RASL12: variants seen among roughly 807,000 people sequenced by gnomAD.
RASL12 encodes the protein RAS like family 12, also known as ras-like protein family member 12.
RASL12 carries 16 observed loss-of-function variants against 22.9 expected under a neutral mutation model. The observed-to-expected ratio is 0.70, with a 90% CI of 0.47 to 1.06. The LOEUF is 1.06. Among genes scored for constraint, RASL12 ranks in the 50% least tolerant of loss-of-function variants. The probability of loss-of-function intolerance (pLI) is 0.00; values close to 1 mark genes in which losing one functional copy is unlikely to be tolerated. For synonymous variants in RASL12, 159 were observed against 152.2 expected (o/e 1.04, Z -0.33); for missense variants, 306 against 353.1 (o/e 0.87, Z 1.07).
intron 2 of RASL12, among the ~76,000 whole-genome samples, chr15:65,059,759 C>A (rs1398940303): frequency 2.0e-5 from 3 of 152,238 alleles, no homozygotes; most frequent in Admixed American, 2.0e-4. Flanking sequence ...AGGAGCAACA[C>A]TGCTAGCCCC....
chr15:65,066,324 C>A, intron 1 of RASL12, among the ~76,000 whole-genome samples: 1 of 151,976 alleles, frequency 6.6e-6, no homozygotes, highest in Non-Finnish European at 1.5e-5. Flanking sequence ...TTGAGACCAG[C>A]CTGGGCAATG....
Position 65,055,064 on chromosome 15 carries a change from C to T in RASL12, c.636G>A (p.Ala212=), listed in dbSNP as rs555462234. ...RALPHQAPLT[A]RHGLASCTFN... ...AGGTGCAGCTGGCCAGCCCATGCCG[C>T]GCGGTGAGCGGGGCCTGGTGGGGCA... The change falls in exon 5 of 5, where the codon GCG becomes GCA. Residue 212 remains alanine, a synonymous_variant. Coordinates refer to ENST00000220062, the MANE Select transcript of RASL12 (RefSeq NM_016563.4). The T allele has an allele frequency of 4.1e-5, 66 of 1,613,114 alleles. No individual in the cohort carries two copies. Among genetic ancestry groups the T allele is most frequent in the Middle Eastern group, 1.6e-4 (1 of 6,062 alleles).
chr15:65,071,859 C>T (rs544707310), upstream of RASL12, among the ~76,000 whole-genome samples: 1 of 152,338 alleles, frequency 6.6e-6, no homozygotes, highest in African/African-American at 2.4e-5. Context: ...AACTGTTTCC[C>T]TGCCCTGAGA....
chr15:65,055,488 A>G (rs1408940586), intron 4 of RASL12, among the ~76,000 whole-genome samples: 1 of 152,244 alleles, frequency 6.6e-6, no homozygotes, highest in East Asian at 1.9e-4. Context: ...TCAAGTGCTT[A>G]GCACAGTACC....
chr15:65,072,190 T>C (rs1347656661), upstream of RASL12, among the ~76,000 whole-genome samples: 1 of 152,178 alleles, frequency 6.6e-6, no homozygotes, highest in African/African-American at 2.4e-5. Flanking sequence ...ATAGTATTCA[T>C]GGGGACTTCT....
chr15:65,064,015 T>C (rs1311169787), intron 2 of RASL12, among the ~76,000 whole-genome samples: 4 of 152,234 alleles, frequency 2.6e-5, no homozygotes, highest in African/African-American at 9.6e-5. Context: ...AATCCAAGAC[T>C]GCAACACCCA....
downstream of RASL12, chr15:65,051,755 C>A: frequency 1.7e-6 from 1 of 596,616 alleles, no homozygotes; most frequent in East Asian, 3.0e-5. Context: ...CTTCGAGAAC[C>A]CCAAGCTGTT....
At chr15:65,052,957 T>C (rs1428886915), downstream of RASL12, 3 of 1,399,780 alleles carry the variant, frequency 2.1e-6, no homozygotes, top group African/African-American at 3.0e-5. Context: ...CTGTTCCCTG[T>C]CCCCCCAGAA....
rs756506075 is a variant in RASL12 at position 65,065,266 on chromosome 15, G to C, written c.111C>G (p.Thr37=). 6.2e-7 allele frequency: 1 copy of C among 1,611,848 alleles called. No individual in the cohort carries two copies. The highest frequency in any genetic ancestry group is 2.2e-5 in the East Asian group (1 of 44,830). Residue 37 remains threonine, a synonymous_variant, in exon 2 of 5, where the codon ACC becomes ACG. Transcript: ENST00000220062. ...TAAACCTCTTGGTCAGAAACTTCACGGTCAGGGCTGCAAGAAGCAGAAAGA... is the reference window on the plus strand; with the variant it reads ...TAAACCTCTTGGTCAGAAACTTCACCGTCAGGGCTGCAAGAAGCAGAAAGA... ...GRRGAGKSAL[T]VKFLTKRFIS...
At chr15:65,049,955 G>A (rs1374134766), downstream of RASL12, 3 of 1,457,100 alleles carry the variant, frequency 2.1e-6, no homozygotes, top group Middle Eastern at 3.6e-4. Context: ...AGGGCTGCTG[G>A]GGCTAAGGGG....
chr15:65,049,832 T>G, downstream of RASL12: 2 of 489,608 alleles, frequency 4.1e-6, no homozygotes, highest in Admixed American at 3.8e-5. Flanking sequence ...GAGATCTGGA[T>G]TTGGGCACAG....
At chr15:65,066,031 A>G (rs955260531) in intron 1 of RASL12, among the ~76,000 whole-genome samples, 1 of 150,026 alleles carries the variant, frequency 6.7e-6, no homozygotes, top group East Asian at 2.1e-4. Context: ...AAGAGAAGAG[A>G]AGAGAAGAGT....
chr15:65,075,952 G>A (rs1044776598), intron 1 of RASL12, among the ~76,000 whole-genome samples: 11 of 151,848 alleles, frequency 7.2e-5, no homozygotes, highest in Non-Finnish European at 1.2e-4. Context: ...TGCACCAGTC[G>A]ACACTCTGTA....
chr15:65,055,326 C>T, intron 4 of RASL12, 52 bp from the exon 5 acceptor site: 1 of 1,455,658 alleles, frequency 6.9e-7, no homozygotes, highest in Non-Finnish European at 9.1e-7. Flanking sequence ...TGTGCCAAGT[C>T]AGGCAGACCA....
the RASL12 span, among the ~76,000 whole-genome samples, chr15:65,045,787 C>A: frequency 6.6e-6 from 1 of 152,244 alleles, no homozygotes; most frequent in East Asian, 1.9e-4. Flanking sequence ...TAACAAAATG[C>A]AAATAAGGCA....
chr15:65,051,376 G>A (rs905911683), downstream of RASL12: 30 of 731,702 alleles, frequency 4.1e-5, no homozygotes, highest in Admixed American at 5.9e-4. Context: ...CCAGGGCAAG[G>A]GGCCCATCTT....
At chr15:65,058,994 G>T (rs2086769737) in intron 3 of RASL12, among the ~76,000 whole-genome samples, 1 of 152,224 alleles carries the variant, frequency 6.6e-6, no homozygotes, top group Non-Finnish European at 1.5e-5. Context: ...GAGGACATGG[G>T]GGGAGACTTG....
In RASL12 at chr15:65,054,581, G is replaced by T; in HGVS notation, c.*318C>A. Reference sequence around the variant, plus strand: ...GCCCAACTGTAGCTGGAGCAGGAAGGGCTGATGGCAGCAGGATAGACACTG... The same window carrying T: ...GCCCAACTGTAGCTGGAGCAGGAAGTGCTGATGGCAGCAGGATAGACACTG... On this transcript the variant is annotated 3_prime_UTR_variant, in exon 5 of 5. Transcript: ENST00000220062. The T allele has an allele frequency of 8.8e-7, 1 of 1,139,472 alleles. No homozygotes were observed. The highest frequency in any genetic ancestry group is 3.5e-5 in the South Asian group (1 of 28,540). 70.6% of individuals were successfully genotyped at this position (1,139,472 alleles called of 1,614,324 possible). A position where few individuals can be genotyped will look rare whatever the true frequency, so the allele number is the denominator to read the frequency against.
intron 4 of RASL12, among the ~76,000 whole-genome samples, chr15:65,056,600 A>T (rs192014028): frequency 2.6e-5 from 4 of 152,186 alleles, no homozygotes; most frequent in Non-Finnish European, 5.9e-5. Flanking sequence ...CATGTGTGTG[A>T]GTGGGTGACA....
Sources: allele counts gnomAD v4.1 joint callset (sites outside exome capture counted in the v4.1 genomes callset), GRCh38; gene constraint gnomAD v4.1.1; transcripts MANE v1.5; gene names NCBI Gene and HGNC (gene_info 2026-07-23, HGNC 2026-07-21).